Variants in CAPN2 observed in about 807,000 individuals in gnomAD.
The protein encoded by CAPN2 is calpain 2.
CAPN2 carries 92 observed loss-of-function variants against 102.3 expected under a neutral mutation model. The ratio of observed to expected loss-of-function variants is 0.90; its 90% CI spans 0.76 to 1.07. The LOEUF (loss-of-function observed/expected upper bound fraction) is 1.07, where lower values mean the gene tolerates loss of function less well. Ranked by LOEUF, CAPN2 falls within the 50% of genes least tolerant of loss-of-function variation. CAPN2 has a pLI of 0.00. For synonymous variants in CAPN2, 340 were observed against 355.4 expected, an observed-to-expected ratio of 0.96 and a Z score of 0.49; for missense variants, 800 against 909.4, an observed-to-expected ratio of 0.88 and a Z score of 1.55.
In CAPN2 at chr1:223,770,468, G is replaced by A. The variant is rs773086763; in HGVS notation, c.1846G>A (p.Val616Ile). ...KYQKIYREID[V>I]DRSGTMNSYE... ...CCAGAAAATTTACCGAGAAATCGACGTTGACAGGTCTGGTACCATGAATTC... is the reference window on the plus strand; with the variant it reads ...CCAGAAAATTTACCGAGAAATCGACATTGACAGGTCTGGTACCATGAATTC... Residue 616 changes from valine to isoleucine, a missense_variant, in exon 18 of 21, where the codon GTT (valine) becomes ATT (isoleucine). By Grantham distance (29) the Val-to-Ile change is conservative. Transcript: ENST00000295006. 45 of 1,613,690 alleles carry A rather than the reference G, an allele frequency of 2.8e-5. No individual in the cohort carries two copies. The highest frequency in any genetic ancestry group is 3.3e-4 in the Middle Eastern group (2 of 6,052).
rs1659497499 is a variant in CAPN2, at chr1:223,702,133, GGAAA to G, written c.3+306_3+309del. Among the ~76,000 whole-genome samples, 3 of 147,814 alleles carry G rather than the reference GGAAA, an allele frequency of 2.0e-5. 1 individual carries two copies. In the South Asian group the frequency reaches 6.5e-4, roughly 32 times the overall value. Reference sequence around the variant, plus strand: ...AGGAAGGAAGGAAGGAAGGAAGGAAGGAAAGAAGGAGGCTGGGCGCCGTGGCTCA... The same window carrying G: ...AGGAAGGAAGGAAGGAAGGAAGGAAGGAAGGAGGCTGGGCGCCGTGGCTCA... On this transcript the variant is annotated intron_variant, in intron 1 of 20. Transcript: ENST00000433674.
chr1:223,702,133 G>GGAAGGAAGGAAGGAAGGAAA (rs1659497440), intron 1 of CAPN2, among the ~76,000 whole-genome samples: 1 of 147,814 alleles, frequency 6.8e-6, no homozygotes, highest in Non-Finnish European at 1.5e-5. Context: ...AAGGAAGGAA[G>GGAAGGAAGGAAGGAAGGAAA]GAAAGAAGGA....
chr1:223,720,315 C>CTCTTTTTTTTTTT (rs564518898), intron 2 of CAPN2, among the ~76,000 whole-genome samples: 1 of 107,468 alleles, frequency 9.3e-6, no homozygotes, highest in East Asian at 2.7e-4. Flanking sequence ...CTCTTTCTCT[C>CTCTTTTTTTTTTT]TTTTTTTTTT....
chr1:223,712,606 C>G lies in CAPN2; in HGVS notation c.-35C>G. On this transcript the variant is annotated 5_prime_UTR_variant, in exon 1 of 21. Transcript: ENST00000295006. ...GAGCGCAGCGCGGAGTCGCCCCGAC[C>G]TTTCTCTGCGCAGTACGGCCGCCGG... 1 of 1,486,358 alleles carries G rather than the reference C, an allele frequency of 6.7e-7. No individual in the cohort carries two copies. The highest frequency in any genetic ancestry group is 8.9e-7 in the Non-Finnish European group (1 of 1,117,776). 92.1% of individuals were successfully genotyped at this position (1,486,358 alleles called of 1,614,324 possible).
chr1:223,747,951 G>C (rs563918610), intron 5 of CAPN2, among the ~76,000 whole-genome samples: 3 of 152,172 alleles, frequency 2.0e-5, no homozygotes, highest in Non-Finnish European at 4.4e-5. Flanking sequence ...TGTAATGGAT[G>C]GGGTGATGGT....
In CAPN2 at chr1:223,759,383, G is replaced by A; in HGVS notation, c.1431G>A (p.Leu477=). The part of the protein sequence containing the change: ...NLREVLNRFK[L]PPGEYILVPS... ...GGGAGGTGCTCAACCGCTTCAAGCT[G>A]CCGCCAGGAGAGTACATTCTCGTGC... is the stretch of plus-strand genomic sequence containing the variant. The change falls in exon 12 of 21, where the codon CTG becomes CTA. Residue 477 remains leucine (L), a synonymous_variant. Coordinates refer to ENST00000295006, the MANE Select transcript of CAPN2 (RefSeq NM_001748.5). The surrounding 1 kb of genome is among the most constrained non-coding windows in gnomAD (Gnocchi z 4.6). The A allele has an allele frequency of 1.9e-6, 3 of 1,614,208 alleles. No homozygotes were observed. The highest frequency in any genetic ancestry group is 2.5e-6 in the Non-Finnish European group (3 of 1,180,046).
At chr1:223,730,258 C>A (rs1660304292) in intron 2 of CAPN2, among the ~76,000 whole-genome samples, 1 of 151,968 alleles carries the variant, frequency 6.6e-6, no homozygotes, top group Non-Finnish European at 1.5e-5. Flanking sequence ...CTACATCAAG[C>A]TTGTCCAACC....
chr1:223,750,804 C>T lies in CAPN2; in HGVS notation c.814-86C>T, dbSNP rs190752061. 77 of 1,254,366 alleles carry T rather than the reference C, an allele frequency of 6.1e-5. 1 individual carries two copies. The East Asian group carries it at 1.5e-3, about 25-fold the overall frequency. 77.7% of individuals were successfully genotyped at this position (1,254,366 alleles called of 1,614,324 possible). On this transcript the variant is annotated intron_variant, in intron 6 of 20. Transcript: ENST00000295006. ...GTCCTCAGCCCCATACCTCCTGGCT[C>T]ATGCGGAAGGGGGTTGGAGGCCCAA...
chr1:223,770,006 C>T lies in CAPN2; in HGVS notation c.1824+97C>T, dbSNP rs574959331. On this transcript the variant is annotated intron_variant, in intron 17 of 20. Coordinates refer to ENST00000295006, the MANE Select transcript of CAPN2 (RefSeq NM_001748.5). Reference sequence around the variant, plus strand: ...TCCTGCACAGAGTGGAGAAACATTTCCAAGGGGATTGGGATTTTACCCATA... The same window carrying T: ...TCCTGCACAGAGTGGAGAAACATTTTCAAGGGGATTGGGATTTTACCCATA... The T allele has an allele frequency of 8.1e-4, 806 of 993,922 alleles. 2 individuals are homozygous for T. Among genetic ancestry groups the T allele is most frequent in the Non-Finnish European group, 1.1e-3 (689 of 641,480 alleles). The allele number at this position is 993,922 out of a possible 1,614,324, so 61.6% of individuals were successfully genotyped here.
chr1:223,757,084 G>A (rs1018708618), intron 10 of CAPN2, among the ~76,000 whole-genome samples: 3 of 152,170 alleles, frequency 2.0e-5, no homozygotes, highest in Admixed American at 6.5e-5. Context: ...CTTTCCCTGC[G>A]TGGGAGGCCG....
At chr1:223,744,255 G>A in intron 3 of CAPN2, 37 bp downstream of exon 3, 1 of 1,324,934 alleles carries the variant, frequency 7.5e-7, no homozygotes, top group Non-Finnish European at 1.1e-6. Flanking sequence ...TCCTCAACAG[G>A]TCCAGGGGGC....
At chr1:223,717,037 A>G (rs761018712) in intron 1 of CAPN2, among the ~76,000 whole-genome samples, 4 of 152,156 alleles carry the variant, frequency 2.6e-5, no homozygotes, top group Non-Finnish European at 4.4e-5. Flanking sequence ...TAAAAGGGGG[A>G]TAATACCCAT....
intron 3 of CAPN2, 115 bp downstream of exon 3, chr1:223,744,333 CT>C: frequency 1.4e-6 from 1 of 736,952 alleles, no homozygotes; most frequent in South Asian, 1.6e-5. Context: ...AAGACCAATA[CT>C]GTTCTACAAA....
At position 223,755,448 on chromosome 1, in the gene CAPN2, G is replaced by A. The variant is rs1227773776; in HGVS notation, c.1136-32G>A. 6.2e-7 allele frequency: 1 copy of A among 1,612,440 alleles called. No individual in the cohort carries two copies. Among genetic ancestry groups the A allele is most frequent in the Non-Finnish European group, 8.5e-7 (1 of 1,179,372 alleles). ...CCCACCCCCATGCATTCCTGCTCAG[G>A]GCTGGGCTCCTCTGCCCCTTTCTGG... On this transcript the variant is annotated intron_variant, in intron 9 of 20. Coordinates refer to ENST00000295006, the MANE Select transcript of CAPN2 (RefSeq NM_001748.5). The surrounding 1 kb of genome is among the most constrained non-coding windows in gnomAD (Gnocchi z 4.1).
chr1:223,713,337 C>T (rs1025593628), intron 1 of CAPN2, among the ~76,000 whole-genome samples: 3 of 152,116 alleles, frequency 2.0e-5, no homozygotes, highest in African/African-American at 7.2e-5. Flanking sequence ...GGGGGACAGG[C>T]CATAGCCTGG....
intron 2 of CAPN2, among the ~76,000 whole-genome samples, chr1:223,732,254 A>T (rs1246587399): frequency 6.6e-6 from 1 of 152,242 alleles, no homozygotes; most frequent in East Asian, 1.9e-4. Context: ...GAAAGAATTC[A>T]GGGTGAGTCC....
In CAPN2 at chr1:223,757,601, C is replaced by T. The variant is rs28370103; in HGVS notation, c.1317+221C>T. The T allele has an allele frequency of 1.8e-3, 1,012 of 568,794 alleles. 13 individuals carry two copies. Among genetic ancestry groups the T allele is most frequent in the African/African-American group, 0.017 (903 of 53,494 alleles). The allele number at this position is 568,794 out of a possible 1,614,324, so 35.2% of individuals were successfully genotyped here. The stretch of plus-strand genomic sequence containing the variant: ...GGAAAGTCCTTGTGGGACCCGCTGC[C>T]TCCCTGTGACCTGGCAGAGCCCATA... On this transcript the variant is annotated intron_variant, in intron 11 of 20. Transcript: ENST00000295006.
intron 8 of CAPN2, 145 bp downstream of exon 8, chr1:223,752,216 G>C (rs1247669426): frequency 3.5e-5 from 22 of 626,614 alleles, no homozygotes; most frequent in Non-Finnish European, 6.2e-5. Context: ...GTTATTTTAA[G>C]TTCACTATAA....
chr1:223,723,466 T>C (rs1195151041), intron 2 of CAPN2, among the ~76,000 whole-genome samples: 1 of 152,190 alleles, frequency 6.6e-6, no homozygotes, highest in East Asian at 1.9e-4. Flanking sequence ...AGCACCCCCC[T>C]TACCAGCCTC....
Sources: gnomAD v4.1 joint callset for allele counts (sites outside exome capture counted in the v4.1 genomes callset) on GRCh38, gnomAD v4.1.1 for gene constraint, Gnocchi (gnomAD v3.1) non-coding constraint, MANE v1.5 for transcripts, NCBI Gene and HGNC (gene_info 2026-07-23, HGNC 2026-07-21) for gene names.